The following ME3 variants were observed in gnomAD, a reference collection of about 807,000 sequenced individuals.
ME3 encodes the protein malic enzyme 3, also known as NADP-dependent malic enzyme, mitochondrial.
In ME3, 48 loss-of-function variants were observed where a neutral mutation model predicts 68.9. The ratio of observed to expected loss-of-function variants is 0.70; its 90% confidence interval spans 0.55 to 0.89. The LOEUF (loss-of-function observed/expected upper bound fraction) is 0.89, where lower values mean the gene tolerates loss of function less well. ME3 is among the 40% of genes least tolerant of loss of function. ME3 has a pLI of 0.00. For synonymous variants in ME3, 320 were observed against 318.8 expected (o/e 1.00, Z -0.04); for missense variants, 675 against 797.4 (o/e 0.85, Z 1.85).
At chr11:86,651,620 G>C (rs1945436727) in intron 2 of ME3, among the ~76,000 whole-genome samples, 1 of 152,194 alleles carries the variant, frequency 6.6e-6, no homozygotes, top group Admixed American at 6.5e-5. Flanking sequence ...AGACGAAAAA[G>C]TAGATAAAAC....
intron 7 of ME3, among the ~76,000 whole-genome samples, chr11:86,473,119 T>C (rs916643832): frequency 6.6e-6 from 1 of 152,302 alleles, no homozygotes; most frequent in East Asian, 1.9e-4. Flanking sequence ...GACACAACCC[T>C]GGGACACCCT....
intron 7 of ME3, among the ~76,000 whole-genome samples, chr11:86,469,976 A>G (rs1950696229): frequency 6.6e-6 from 1 of 152,130 alleles, no homozygotes; most frequent in African/African-American, 2.4e-5. Context: ...CACAACCAAC[A>G]GTGCCAGCAC....
intron 2 of ME3, among the ~76,000 whole-genome samples, chr11:86,655,171 T>C (rs974509393): frequency 3.9e-5 from 6 of 152,142 alleles, no homozygotes; most frequent in Non-Finnish European, 8.8e-5. Flanking sequence ...GGCCACACTG[T>C]CCAAGGTAAT....
At chr11:86,532,966 C>T (rs1245283382) in intron 4 of ME3, among the ~76,000 whole-genome samples, 2 of 151,836 alleles carry the variant, frequency 1.3e-5, no homozygotes, top group Admixed American at 1.3e-4. Context: ...GTGGGAGAAT[C>T]GTTTGAACCC....
chr11:86,542,894 C>T (rs1956134512), intron 4 of ME3, among the ~76,000 whole-genome samples: 1 of 152,136 alleles, frequency 6.6e-6, no homozygotes, highest in South Asian at 2.1e-4. Flanking sequence ...ATGTTAAGGG[C>T]AGCCAGAGAG....
Position 86,478,305 on chromosome 11 carries a change from A to G in ME3, c.809+9032T>C, listed in dbSNP as rs563140663. Among the ~76,000 whole-genome samples the G allele has an allele frequency of 5.3e-5, 7 of 132,566 alleles. No individual in the cohort carries two copies. In the East Asian group the frequency reaches 1.6e-3, roughly 29 times the overall value. 87.0% of individuals were successfully genotyped at this position (132,566 alleles called of 152,430 possible). A position where few individuals can be genotyped will look rare whatever the true frequency, so the allele number is the denominator to read the frequency against. ...TCATCTTTGCCCAATCTCTCCTCTG[A>G]CAATGAAAGCCTAAGGACCAAAAAA... On this transcript the variant is annotated intron_variant, in intron 7 of 14. Coordinates refer to ENST00000543262, the Ensembl canonical transcript of ME3.
chr11:86,579,870 T>A (rs748807808), intron 2 of ME3, among the ~76,000 whole-genome samples: 11 of 152,208 alleles, frequency 7.2e-5, no homozygotes, highest in Non-Finnish European at 1.5e-4. Context: ...TTGGGAATGC[T>A]GTTTGAATGG....
intron 4 of ME3, among the ~76,000 whole-genome samples, chr11:86,511,313 A>G (rs1489953913): frequency 1.3e-5 from 2 of 152,174 alleles, no homozygotes; most frequent in Non-Finnish European, 2.9e-5. Context: ...GGTCTTGCCA[A>G]CTTCCTTACT....
intron 2 of ME3, among the ~76,000 whole-genome samples, chr11:86,624,808 C>G (rs1359993678): frequency 6.6e-6 from 1 of 152,198 alleles, no homozygotes. Flanking sequence ...GTGGACTGCT[C>G]TAAGGACCAG....
At chr11:86,656,993 A>G (rs1380837920) in intron 2 of ME3, among the ~76,000 whole-genome samples, 2 of 152,228 alleles carry the variant, frequency 1.3e-5, no homozygotes, top group Non-Finnish European at 2.9e-5. Flanking sequence ...GATGTGGAGA[A>G]ATAGGAACGC....
intron 4 of ME3, among the ~76,000 whole-genome samples, chr11:86,521,811 C>T (rs1458648263): frequency 1.3e-5 from 2 of 152,210 alleles, no homozygotes; most frequent in Non-Finnish European, 2.9e-5. Flanking sequence ...AGCTCATTCT[C>T]TTAGCATTAT....
At chr11:86,455,227 C>T (rs986463216) in intron 8 of ME3, among the ~76,000 whole-genome samples, 3 of 152,186 alleles carry the variant, frequency 2.0e-5, no homozygotes, top group African/African-American at 7.2e-5. Flanking sequence ...TAGGCACTGT[C>T]GAAGACAGAT....
At chr11:86,602,972 C>T (rs1454422186) in intron 2 of ME3, among the ~76,000 whole-genome samples, 3 of 152,136 alleles carry the variant, frequency 2.0e-5, no homozygotes, top group African/African-American at 4.8e-5. Context: ...AAGACTTAAA[C>T]GTTAGACCTA....
chr11:86,559,667 G>C (rs755742118), intron 3 of ME3, 23 bp downstream of exon 3: 12 of 1,600,760 alleles, frequency 7.5e-6, no homozygotes, highest in East Asian at 2.2e-5. Context: ...ACCAGACAGA[G>C]AGAACAGACA....
At chr11:86,651,254 C>G (rs1356851697) in intron 2 of ME3, among the ~76,000 whole-genome samples, 1 of 152,192 alleles carries the variant, frequency 6.6e-6, no homozygotes, top group Non-Finnish European at 1.5e-5. Flanking sequence ...TAGTGGTTCT[C>G]CCAGCACGCA....
At chr11:86,646,023 G>A (rs1376691038) in intron 2 of ME3, among the ~76,000 whole-genome samples, 2 of 152,076 alleles carry the variant, frequency 1.3e-5, no homozygotes, top group Admixed American at 6.5e-5. Flanking sequence ...CAAAAAGAAC[G>A]AACGCTCAAA....
chr11:86,635,683 A>G (rs1241982865), intron 2 of ME3, among the ~76,000 whole-genome samples: 1 of 152,234 alleles, frequency 6.6e-6, no homozygotes, highest in East Asian at 1.9e-4. Context: ...TGCTGTTGCC[A>G]GATTCCAGAA....
chr11:86,472,401 G>A (rs1223092682), intron 7 of ME3, among the ~76,000 whole-genome samples: 2 of 152,188 alleles, frequency 1.3e-5, no homozygotes, highest in African/African-American at 4.8e-5. Context: ...ATGATGGGAT[G>A]GACAGCTGGG....
chr11:86,551,682 G>A (rs922579775), intron 4 of ME3, among the ~76,000 whole-genome samples: 14 of 152,178 alleles, frequency 9.2e-5, no homozygotes, highest in African/African-American at 2.9e-4. Context: ...GGCCCACCAT[G>A]GGAAGTACAT....
Sources: gnomAD v4.1 joint callset for allele counts (sites outside exome capture counted in the v4.1 genomes callset) on GRCh38, gnomAD v4.1.1 for gene constraint, MANE v1.5 for transcripts, NCBI Gene and HGNC (gene_info 2026-07-23, HGNC 2026-07-21) for gene names.